The following XKR4 variants were observed in gnomAD, a reference collection of about 807,000 sequenced individuals.
XKR4 encodes XK-related protein 4.
In XKR4, 12 loss-of-function variants were observed where a neutral mutation model predicts 53.9. That is an observed-to-expected ratio of 0.22 (90% confidence interval 0.14 to 0.36). The LOEUF (loss-of-function observed/expected upper bound fraction) is 0.36. Ranked by LOEUF, XKR4 falls within the 10% of genes least tolerant of loss-of-function variation. The pLI, the probability that XKR4 is intolerant of heterozygous loss-of-function variation, is 1.00. For missense variants in XKR4, 799 were observed against 859.5 expected, an observed-to-expected ratio of 0.93 and a Z score of 0.88; for synonymous variants, 354 against 362.4, an observed-to-expected ratio of 0.98 and a Z score of 0.26.
At chr8:55,246,796 A>C (rs1046702256) in intron 1 of XKR4, among the ~76,000 whole-genome samples, 3 of 151,978 alleles carry the variant, frequency 2.0e-5, no homozygotes, top group Admixed American at 6.6e-5. Flanking sequence ...CTTTGAATCA[A>C]TCACTCAACC....
chr8:55,126,596 A>G (rs1816471877), intron 1 of XKR4, among the ~76,000 whole-genome samples: 1 of 152,194 alleles, frequency 6.6e-6, no homozygotes, highest in South Asian at 2.1e-4. Context: ...TGATGGGGAG[A>G]ACAGAGGTAC....
At chr8:55,247,855 C>CTT (rs1166258777) in intron 1 of XKR4, among the ~76,000 whole-genome samples, 375 of 59,780 alleles carry the variant, frequency 6.3e-3, no homozygotes, top group Non-Finnish European at 0.011. Flanking sequence ...TTCTTTCTTT[C>CTT]TTTTTTTTTT....
At chr8:55,337,781 A>G (rs1227734147) in intron 1 of XKR4, among the ~76,000 whole-genome samples, 1 of 152,220 alleles carries the variant, frequency 6.6e-6, no homozygotes, top group African/African-American at 2.4e-5. Context: ...TTAAAGGAAT[A>G]CCCTTTGCTA....
At chr8:55,505,193 T>G (rs1379990004) in intron 2 of XKR4, among the ~76,000 whole-genome samples, 3 of 152,196 alleles carry the variant, frequency 2.0e-5, no homozygotes, top group African/African-American at 7.2e-5. Flanking sequence ...TCTATAGATG[T>G]TTTAGCTTAG....
intron 1 of XKR4, among the ~76,000 whole-genome samples, chr8:55,329,423 T>A (rs1266279247): frequency 6.6e-6 from 1 of 152,002 alleles, no homozygotes; most frequent in Non-Finnish European, 1.5e-5. Flanking sequence ...TCAGTGTTAG[T>A]ATATTTCATG....
chr8:55,204,354 G>T (rs184071485), intron 1 of XKR4, among the ~76,000 whole-genome samples: 1 of 151,916 alleles, frequency 6.6e-6, no homozygotes, highest in Non-Finnish European at 1.5e-5. Flanking sequence ...ACTTTATGTC[G>T]CCATTTAGCC....
At chr8:55,316,578 C>T (rs1302975038) in intron 1 of XKR4, among the ~76,000 whole-genome samples, 2 of 152,178 alleles carry the variant, frequency 1.3e-5, no homozygotes, top group Non-Finnish European at 2.9e-5. Flanking sequence ...GTTTACAGAA[C>T]ACAGTAGTGT....
chr8:55,197,160 G>T (rs994357560), intron 1 of XKR4, among the ~76,000 whole-genome samples: 1 of 152,126 alleles, frequency 6.6e-6, no homozygotes, highest in African/African-American at 2.4e-5. Flanking sequence ...ATGCTTTGGG[G>T]TAATACCATA....
intron 2 of XKR4, among the ~76,000 whole-genome samples, chr8:55,462,768 G>T (rs1386535375): frequency 6.6e-6 from 1 of 152,156 alleles, no homozygotes; most frequent in Non-Finnish European, 1.5e-5. Flanking sequence ...CAAAATAAAG[G>T]CATGGAGGAA....
chr8:55,364,451 C>CAATGGGGAGATGTG, intron 2 of XKR4, among the ~76,000 whole-genome samples: 1 of 152,308 alleles, frequency 6.6e-6, no homozygotes. Context: ...CTCCCCGATG[C>CAATGGGGAGATGTG]CCCTCAGGAC....
intron 2 of XKR4, among the ~76,000 whole-genome samples, chr8:55,456,809 T>A (rs1378731088): frequency 1.3e-5 from 2 of 151,958 alleles, no homozygotes; most frequent in Non-Finnish European, 2.9e-5. Context: ...CCAACATATG[T>A]GAAATAAGGG....
intron 1 of XKR4, among the ~76,000 whole-genome samples, chr8:55,170,236 C>G (rs532766740): frequency 8.5e-5 from 13 of 152,206 alleles, no homozygotes; most frequent in Non-Finnish European, 1.8e-4. Flanking sequence ...CCTGTGAACA[C>G]GTTAGCTTAT....
intron 1 of XKR4, among the ~76,000 whole-genome samples, chr8:55,114,184 C>A (rs1482420475): frequency 6.6e-6 from 1 of 152,162 alleles, no homozygotes; most frequent in Admixed American, 6.6e-5. Context: ...AATTTAGACT[C>A]CTGCCAGCAG....
intron 1 of XKR4, among the ~76,000 whole-genome samples, chr8:55,209,203 A>G (rs78566415): frequency 6.7e-6 from 1 of 149,216 alleles, no homozygotes; most frequent in Non-Finnish European, 1.5e-5. Context: ...CAGTGTGTTT[A>G]TGTGTGTGTG....
intron 1 of XKR4, among the ~76,000 whole-genome samples, chr8:55,308,492 C>T (rs763975626): frequency 6.6e-6 from 1 of 152,142 alleles, no homozygotes; most frequent in Non-Finnish European, 1.5e-5. Flanking sequence ...CTCACTATCA[C>T]AAGAACAGCA....
At chr8:55,389,778 C>T (rs546892155) in intron 2 of XKR4, among the ~76,000 whole-genome samples, 1 of 152,252 alleles carries the variant, frequency 6.6e-6, no homozygotes, top group Non-Finnish European at 1.5e-5. Flanking sequence ...AAGTTATAAG[C>T]CTGTCTTTAA....
At chr8:55,289,851 G>GGAAAAAA (rs1818990904) in intron 1 of XKR4, among the ~76,000 whole-genome samples, 3 of 135,618 alleles carry the variant, frequency 2.2e-5, no homozygotes, top group African/African-American at 9.1e-5. Context: ...AAAGAAAGAA[G>GGAAAAAA]GAAAGAAAGA....
rs185476216 is a variant in XKR4, at chr8:55,252,352, A to T, written c.807-105326A>T. 2.5e-3 allele frequency among the ~76,000 whole-genome samples: 379 copies of T among 152,334 alleles called. 1 individual carries two copies. The highest frequency in any genetic ancestry group is 4.2e-3 in the Non-Finnish European group (288 of 68,020). ...GAAACTGTATAAACCATTGCCTTTT[A>T]TCTCCTAAAATTGAAGGATCTCAAA... On this transcript the variant is annotated intron_variant, in intron 1 of 2. Transcript: ENST00000327381.
rs755618967 is a variant in XKR4 at position 55,523,828 on chromosome 8, CAGATTCGGGCAGT to C, written c.1555_1567del (p.Arg519HisfsTer53). 1 of 1,614,194 alleles carries C rather than the reference CAGATTCGGGCAGT, an allele frequency of 6.2e-7. No individual in the cohort carries two copies. The highest frequency in any genetic ancestry group is 8.5e-7 in the Non-Finnish European group (1 of 1,180,040). ...ATGCCTTCTTTCATCCCAATGGACC[CAGATTCGGGCAGT>C]CACCAAGTTGTGCTTGTGAGGACCC... On this transcript the variant is annotated frameshift_variant, in exon 3 of 3. Coordinates refer to ENST00000327381, the MANE Select transcript of XKR4 (RefSeq NM_052898.2). LOFTEE classifies it high-confidence loss of function.
Sources: gnomAD v4.1 joint callset for allele counts (sites outside exome capture counted in the v4.1 genomes callset) on GRCh38, gnomAD v4.1.1 for gene constraint, MANE v1.5 for transcripts, NCBI Gene and HGNC (gene_info 2026-07-23, HGNC 2026-07-21) for gene names.